Variants in JAZF1 observed in about 807,000 individuals in gnomAD.
JAZF1 encodes the protein JAZF zinc finger 1, also known as juxtaposed with another zinc finger protein 1.
Under a neutral mutation model 26.4 loss-of-function variants are expected in JAZF1, and 8 were observed. The ratio of observed to expected loss-of-function variants is 0.30; its 90% CI spans 0.18 to 0.55. JAZF1 has a LOEUF of 0.55. Among genes scored for constraint, JAZF1 ranks in the 20% least tolerant of loss-of-function variants. The pLI, the probability that JAZF1 is intolerant of heterozygous loss-of-function variation, is 0.94. For synonymous variants in JAZF1, 126 were observed against 122.3 expected, an observed-to-expected ratio of 1.03 and a Z score of -0.20; for missense variants, 199 against 322.0, an observed-to-expected ratio of 0.62 and a Z score of 2.92.
intron 3 of JAZF1, among the ~76,000 whole-genome samples, chr7:27,864,525 C>T (rs1437116025): frequency 6.6e-6 from 1 of 152,128 alleles, no homozygotes; most frequent in Non-Finnish European, 1.5e-5. Context: ...GCCTACTGCC[C>T]CCCTAGCAGG....
At chr7:28,162,779 T>C (rs7810722) in intron 1 of JAZF1, among the ~76,000 whole-genome samples, 3,743 of 152,324 alleles carry the variant, frequency 0.025, 136 homozygotes, top group African/African-American at 0.085. Flanking sequence ...AGCATGAAAC[T>C]AACTCAAAGC....
At chr7:28,132,137 TC>T (rs1273039784) in intron 1 of JAZF1, among the ~76,000 whole-genome samples, 1 of 152,236 alleles carries the variant, frequency 6.6e-6, no homozygotes, top group Non-Finnish European at 1.5e-5. Context: ...CAATAAGTGC[TC>T]ATTTTGAAAA....
rs144462643 is a variant in JAZF1, at chr7:27,857,326, C to T, written c.386-16459G>A. Among the ~76,000 whole-genome samples, 1,145 of 152,322 alleles carry T rather than the reference C, an allele frequency of 7.5e-3. 11 individuals carry two copies. Among genetic ancestry groups the T allele is most frequent in the African/African-American group, 0.026 (1,083 of 41,582 alleles). ...CCGAGTGCGGGGACCGCCGAGCCCA[C>T]GCCCACCCGGAACTCGTGCTGGCCT... On this transcript the variant is annotated intron_variant, in intron 3 of 4. Transcript: ENST00000283928.
chr7:28,130,546 A>G (rs2127941591), intron 1 of JAZF1, among the ~76,000 whole-genome samples: 1 of 152,300 alleles, frequency 6.6e-6, no homozygotes, highest in Non-Finnish European at 1.5e-5. Flanking sequence ...ACAGCTTGTA[A>G]AAGCTTCAAC....
intron 1 of JAZF1, among the ~76,000 whole-genome samples, chr7:28,092,073 T>C (rs1330744259): frequency 6.6e-6 from 1 of 151,978 alleles, no homozygotes; most frequent in Non-Finnish European, 1.5e-5. Context: ...TTTCCTCTCA[T>C]TGAGGGTATA....
chr7:28,097,293 C>G (rs1042238043), intron 1 of JAZF1, among the ~76,000 whole-genome samples: 5 of 151,568 alleles, frequency 3.3e-5, no homozygotes, highest in Non-Finnish European at 7.4e-5. Flanking sequence ...TAAGTACAGA[C>G]TTTTTTTTTA....
In JAZF1 at chr7:28,016,602, C is replaced by T. The variant is rs1782897840; in HGVS notation, c.116-24621G>A. On this transcript the variant is annotated intron_variant, in intron 1 of 4. Coordinates refer to ENST00000283928, the MANE Select transcript of JAZF1 (RefSeq NM_175061.4). Reference sequence around the variant, plus strand: ...TGAGTTCAAGAAACAACACTGAAAGCTTACTGGTTTGTTTTCTAGACCAAA... The same window carrying T: ...TGAGTTCAAGAAACAACACTGAAAGTTTACTGGTTTGTTTTCTAGACCAAA... Among the ~76,000 whole-genome samples, 3 of 152,108 alleles carry T rather than the reference C, an allele frequency of 2.0e-5. No homozygotes were observed. The South Asian group carries it at 6.2e-4, about 32-fold the overall frequency.
At chr7:28,023,395 AC>A (rs1458638502) in intron 1 of JAZF1, among the ~76,000 whole-genome samples, 2 of 152,250 alleles carry the variant, frequency 1.3e-5, no homozygotes, top group African/African-American at 4.8e-5. Context: ...GTAATTCGAA[AC>A]GATTTTCCAA....
intron 2 of JAZF1, among the ~76,000 whole-genome samples, chr7:27,911,919 T>C (rs1583460294): frequency 6.6e-6 from 1 of 152,346 alleles, no homozygotes; most frequent in East Asian, 1.9e-4. Flanking sequence ...TTTATGTTTT[T>C]AGATGAACAT....
At chr7:27,837,172 AAAAC>A (rs1583422582) in intron 4 of JAZF1, among the ~76,000 whole-genome samples, 2 of 151,912 alleles carry the variant, frequency 1.3e-5, no homozygotes, top group South Asian at 2.1e-4. Flanking sequence ...AAAACAAAAC[AAAAC>A]AAAAAAACTT....
chr7:28,095,622 A>T (rs1192246979), intron 1 of JAZF1, among the ~76,000 whole-genome samples: 3 of 152,156 alleles, frequency 2.0e-5, no homozygotes, highest in Non-Finnish European at 4.4e-5. Flanking sequence ...TCCCTACCTC[A>T]AGGAGTTCTC....
intron 1 of JAZF1, among the ~76,000 whole-genome samples, chr7:28,123,966 C>T (rs887279680): frequency 6.6e-6 from 1 of 152,138 alleles, no homozygotes; most frequent in Non-Finnish European, 1.5e-5. Context: ...TGAGAAAGAA[C>T]AAAACTGAGT....
intron 1 of JAZF1, among the ~76,000 whole-genome samples, chr7:28,148,436 G>A (rs1336000180): frequency 6.6e-6 from 1 of 152,166 alleles, no homozygotes; most frequent in East Asian, 1.9e-4. Context: ...GCAAGTGAAT[G>A]TACCCATTAT....
At chr7:27,993,406 T>C (rs1198124508) in intron 1 of JAZF1, among the ~76,000 whole-genome samples, 1 of 152,080 alleles carries the variant, frequency 6.6e-6, no homozygotes. Flanking sequence ...GTTCTCTAAA[T>C]AACAAAAAAA....
intron 2 of JAZF1, among the ~76,000 whole-genome samples, chr7:27,971,023 T>G (rs1189056809): frequency 2.0e-5 from 3 of 152,216 alleles, no homozygotes; most frequent in Non-Finnish European, 4.4e-5. Context: ...CACCGCCTAG[T>G]GCCCCACACA....
intron 1 of JAZF1, among the ~76,000 whole-genome samples, chr7:28,159,047 G>C (rs1430044551): frequency 1.3e-5 from 2 of 152,074 alleles, no homozygotes; most frequent in Non-Finnish European, 2.9e-5. Context: ...GCTGATGAGG[G>C]GAGAGAGACG....
Position 28,180,487 on chromosome 7 carries a change from C to G in JAZF1, c.91G>C (p.Glu31Gln). ...LHFPTLADLI[E>Q]HIEDNHIDTD... ...CCGATGTGGTTGTCCTCGATGTGCT[C>G]GATGAGGTCGGCCAGGGTGGGGAAG... is the stretch of plus-strand genomic sequence containing the variant. Residue 31 changes from glutamate (E) to glutamine (Q), a missense_variant, in exon 1 of 5, where the codon GAG (glutamate) becomes CAG (glutamine). This residue lies in a region of JAZF1 where 137 missense variants were observed against 184.8 expected (regional missense o/e 0.74). Coordinates refer to ENST00000283928, the MANE Select transcript of JAZF1 (RefSeq NM_175061.4). 2 of 1,610,898 alleles carry G rather than the reference C, an allele frequency of 1.2e-6. No homozygotes were observed. Among genetic ancestry groups the G allele is most frequent in the South Asian group, 1.1e-5 (1 of 90,894 alleles).
intron 1 of JAZF1, among the ~76,000 whole-genome samples, chr7:28,113,053 T>C (rs1348534998): frequency 6.6e-6 from 1 of 151,962 alleles, no homozygotes; most frequent in Admixed American, 6.6e-5. Flanking sequence ...CTGGACATAA[T>C]CTCGAAGGGG....
At position 27,895,285 on chromosome 7, in the gene JAZF1, C is replaced by T. The variant is rs762220368; in HGVS notation, c.320G>A (p.Ser107Asn). The change falls in exon 3 of 5, where the codon AGC (serine) becomes AAC (asparagine). Residue 107 changes from serine to asparagine, a missense_variant. Ser to Asn is a conservative substitution (Grantham distance 46). This residue lies in a region of JAZF1 where 137 missense variants were observed against 184.8 expected (regional missense o/e 0.74). Transcript: ENST00000283928. ...VSTPPRHSSG[S>N]LTPPVTPPIT... is the part of the protein sequence containing the mutation. ...GGGTGGGGTCACGGGGGGAGTAAGGCTTCCACTGCTGTGGCGTGGGGGAGT... is the reference window on the plus strand; with the variant it reads ...GGGTGGGGTCACGGGGGGAGTAAGGTTTCCACTGCTGTGGCGTGGGGGAGT... 82 of 1,609,284 alleles carry T rather than the reference C, an allele frequency of 5.1e-5. 1 individual carries two copies. In the East Asian group the frequency reaches 8.3e-4, roughly 16 times the overall value.
Sources: allele counts gnomAD v4.1 joint callset (sites outside exome capture counted in the v4.1 genomes callset), GRCh38; gene constraint gnomAD v4.1.1; regional missense constraint gnomAD v4.1.1; transcripts MANE v1.5; gene names NCBI Gene and HGNC (gene_info 2026-07-23, HGNC 2026-07-21).